ERC2: variants seen among roughly 807,000 people sequenced by gnomAD.
The protein encoded by ERC2 is ERC protein 2.
ERC2 carries 42 observed loss-of-function variants against 114.8 expected under a neutral mutation model. The ratio of observed to expected loss-of-function variants is 0.37; its 90% CI spans 0.29 to 0.47. The LOEUF is 0.47. Among genes scored for constraint, ERC2 ranks in the 20% least tolerant of loss-of-function variants. The probability of loss-of-function intolerance (pLI) is 0.99; values close to 1 mark genes in which losing one functional copy is unlikely to be tolerated. For missense variants in ERC2, 939 were observed against 1,150.7 expected, an observed-to-expected ratio of 0.82 and a Z score of 2.66; for synonymous variants, 454 against 425.5, an observed-to-expected ratio of 1.07 and a Z score of -0.82.
chr3:55,784,455 G>A (rs2069317290), intron 14 of ERC2, among the ~76,000 whole-genome samples: 1 of 152,198 alleles, frequency 6.6e-6, no homozygotes, highest in African/African-American at 2.4e-5. Flanking sequence ...GCTGCCTAGT[G>A]AGGTCATAGG....
At chr3:55,660,743 C>A (rs1264806284) in intron 17 of ERC2, among the ~76,000 whole-genome samples, 1 of 152,108 alleles carries the variant, frequency 6.6e-6, no homozygotes, top group African/African-American at 2.4e-5. Context: ...GGTATGATGT[C>A]CCACAGACAT....
intron 7 of ERC2, among the ~76,000 whole-genome samples, chr3:56,039,559 T>C (rs1192260460): frequency 6.6e-6 from 1 of 152,040 alleles, no homozygotes; most frequent in African/African-American, 2.4e-5. Flanking sequence ...ATTGCTTAAA[T>C]CTCCATACTA....
chr3:56,173,794 C>T, intron 3 of ERC2: 1 of 376,068 alleles, frequency 2.7e-6, no homozygotes, highest in Non-Finnish European at 4.8e-6. Flanking sequence ...AGTCCAAATA[C>T]TGTTCAACAC....
chr3:56,454,290 A>G (rs1012242824), intron 1 of ERC2, among the ~76,000 whole-genome samples: 1 of 152,172 alleles, frequency 6.6e-6, no homozygotes, highest in Non-Finnish European at 1.5e-5. Context: ...TTGCAAGCAG[A>G]TGCTCTAAGT....
At chr3:55,912,941 C>T (rs1395280809) in intron 13 of ERC2, among the ~76,000 whole-genome samples, 1 of 152,154 alleles carries the variant, frequency 6.6e-6, no homozygotes, top group Non-Finnish European at 1.5e-5. Context: ...CTTCTTTTAA[C>T]AAGTCAATCA....
chr3:56,208,199 T>C (rs962538134), intron 3 of ERC2, among the ~76,000 whole-genome samples: 5 of 152,156 alleles, frequency 3.3e-5, no homozygotes, highest in African/African-American at 1.2e-4. Context: ...AGAATTTCCA[T>C]GATTCATCCT....
intron 3 of ERC2, among the ~76,000 whole-genome samples, chr3:56,201,341 A>G (rs563924417): frequency 1.3e-5 from 2 of 152,310 alleles, no homozygotes; most frequent in East Asian, 3.9e-4. Context: ...GAAAATGCCC[A>G]TTTAGTTTTA....
chr3:56,389,282 T>G (rs890800884), intron 2 of ERC2, among the ~76,000 whole-genome samples: 2 of 152,170 alleles, frequency 1.3e-5, no homozygotes, highest in Non-Finnish European at 2.9e-5. Flanking sequence ...CCTTGAGGCA[T>G]GAGTCAGACT....
chr3:55,610,064 C>CAAAAAAAAAAAAAAAAAAAAAAAA (rs36088271), intron 17 of ERC2, among the ~76,000 whole-genome samples: 2 of 118,716 alleles, frequency 1.7e-5, no homozygotes, highest in Non-Finnish European at 3.6e-5. Flanking sequence ...CAAACACAAA[C>CAAAAAAAAAAAAAAAAAAAAAAAA]AAAAAAAAAA....
chr3:56,024,563 T>C (rs751264215), intron 7 of ERC2, among the ~76,000 whole-genome samples: 7 of 152,144 alleles, frequency 4.6e-5, no homozygotes, highest in Non-Finnish European at 7.4e-5. Context: ...CTGGGGCAGG[T>C]ACATCTAATG....
At chr3:56,084,774 T>C (rs2077416216) in intron 6 of ERC2, among the ~76,000 whole-genome samples, 1 of 151,632 alleles carries the variant, frequency 6.6e-6, no homozygotes, top group Admixed American at 6.6e-5. Context: ...ACTCAGGTGA[T>C]GCGTACACTG....
chr3:56,081,092 G>T, intron 6 of ERC2, 108 bp from the exon 7 acceptor site: 1 of 1,190,844 alleles, frequency 8.4e-7, no homozygotes, highest in Non-Finnish European at 1.2e-6. Flanking sequence ...ACTGAGCAAG[G>T]CACAATGGAA....
rs1387943666 is a variant in ERC2, at chr3:55,539,180, T to C, written c.*40-27904A>G. 3.3e-5 allele frequency among the ~76,000 whole-genome samples: 5 copies of C among 152,116 alleles called. No individual in the cohort carries two copies. The East Asian group carries it at 9.6e-4, about 29-fold the overall frequency. ...ACTAGGCATGAAAGAAGCACAATGT[T>C]AGAGTATATTAACGAAGGGTGCATA... On this transcript the variant is annotated intron_variant, in intron 17 of 17. Transcript: ENST00000288221.
At position 56,094,608 on chromosome 3, in the gene ERC2, C is replaced by T. The variant is rs2077958937; in HGVS notation, c.1474-13624G>A. On this transcript the variant is annotated intron_variant, in intron 6 of 17. Transcript: ENST00000288221. ...GCTCAATGACTTCTAAGGACTTTAC[C>T]TAACCTAAATTTCATGTCAGGAGGT... Among the ~76,000 whole-genome samples, 3 of 152,104 alleles carry T rather than the reference C, an allele frequency of 2.0e-5. No homozygotes were observed. In the South Asian group the frequency reaches 6.2e-4, roughly 32 times the overall value.
chr3:56,402,470 T>G (rs1327333728), intron 2 of ERC2, among the ~76,000 whole-genome samples: 4 of 152,064 alleles, frequency 2.6e-5, no homozygotes, highest in African/African-American at 9.7e-5. Context: ...TGAGTTCAAA[T>G]CCCCATCTCC....
intron 14 of ERC2, among the ~76,000 whole-genome samples, chr3:55,774,925 C>CA (rs895702812): frequency 3.3e-5 from 5 of 152,196 alleles, no homozygotes; most frequent in African/African-American, 1.2e-4. Flanking sequence ...GTTCTTGCCT[C>CA]ATTAAACTTT....
intron 13 of ERC2, among the ~76,000 whole-genome samples, chr3:55,931,924 A>C (rs921355639): frequency 1.3e-5 from 2 of 152,164 alleles, no homozygotes; most frequent in Non-Finnish European, 2.9e-5. Context: ...TTTGTACTGT[A>C]CTTAAAATTT....
intron 3 of ERC2, among the ~76,000 whole-genome samples, chr3:56,229,860 G>GTTTT (rs1323648162): frequency 1.0e-5 from 1 of 96,844 alleles, no homozygotes; most frequent in Non-Finnish European, 2.1e-5. Context: ...CAAATATCTA[G>GTTTT]TCTTTTTTTT....
rs547826356 is a variant in ERC2 at position 55,588,773 on chromosome 3, T to C, written c.*40-77497A>G. 2.6e-5 allele frequency among the ~76,000 whole-genome samples: 4 copies of C among 151,566 alleles called. No homozygotes were observed. The East Asian group carries it at 5.8e-4, about 22-fold the overall frequency. The stretch of plus-strand genomic sequence containing the variant: ...AAGGGATCCAGAGATGCTGATAAGA[T>C]GGCGCTTGACTGGATCTGGGCTCCA... On this transcript the variant is annotated intron_variant, in intron 17 of 17. Coordinates refer to ENST00000288221, the MANE Select transcript of ERC2 (RefSeq NM_015576.3).
Sources: gnomAD v4.1 joint callset for allele counts (sites outside exome capture counted in the v4.1 genomes callset) on GRCh38, gnomAD v4.1.1 for gene constraint, MANE v1.5 for transcripts, NCBI Gene and HGNC (gene_info 2026-07-23, HGNC 2026-07-21) for gene names.